Variants in DMRT1 observed in about 807,000 individuals in gnomAD.
DMRT1 encodes the protein doublesex and mab-3 related transcription factor 1.
Under a neutral mutation model 32.3 loss-of-function variants are expected in DMRT1, and 7 were observed. The observed-to-expected ratio is 0.22, with a 90% CI of 0.12 to 0.41. The LOEUF is 0.41. DMRT1 is among the 10% of genes least tolerant of loss of function. The probability of loss-of-function intolerance (pLI) is 1.00; values close to 1 mark genes in which losing one functional copy is unlikely to be tolerated. For synonymous variants in DMRT1, 278 were observed against 206.1 expected (o/e 1.35, Z -2.99); for missense variants, 625 against 500.5 (o/e 1.25, Z -2.37).
At chr9:892,611 T>G (rs1817194928) in intron 2 of DMRT1, among the ~76,000 whole-genome samples, 1 of 152,152 alleles carries the variant, frequency 6.6e-6, no homozygotes, top group Non-Finnish European at 1.5e-5. Context: ...GGTGGTTCCC[T>G]AGCAGGTCTT....
chr9:968,255 G>A lies in DMRT1; in HGVS notation c.*116G>A. ...TATCTTAACTGTTGAGAACGTATTT[G>A]GTTTATATTCCTTAGAGTTTAGTCC... On this transcript the variant is annotated 3_prime_UTR_variant, in exon 5 of 5. Coordinates refer to ENST00000382276, the MANE Select transcript of DMRT1 (RefSeq NM_021951.3). 1 of 1,318,136 alleles carries A rather than the reference G, an allele frequency of 7.6e-7. No homozygotes were observed. The highest frequency in any genetic ancestry group is 2.5e-5 in the East Asian group (1 of 40,014). 81.7% of individuals were successfully genotyped at this position (1,318,136 alleles called of 1,614,324 possible).
intron 3 of DMRT1, among the ~76,000 whole-genome samples, chr9:900,184 G>A (rs1043743769): frequency 4.9e-5 from 4 of 81,978 alleles, no homozygotes; most frequent in Admixed American, 1.3e-4. Flanking sequence ...GAAGGAAACC[G>A]CGTTCTGGCA....
At chr9:884,109 G>C (rs1816835155) in intron 2 of DMRT1, among the ~76,000 whole-genome samples, 1 of 152,066 alleles carries the variant, frequency 6.6e-6, no homozygotes. Context: ...TGTGATGTTT[G>C]GTTTTTTCAT....
At chr9:849,113 C>T (rs940630001) in intron 2 of DMRT1, among the ~76,000 whole-genome samples, 3 of 151,732 alleles carry the variant, frequency 2.0e-5, no homozygotes, top group Admixed American at 6.6e-5. Flanking sequence ...TTATTATCCT[C>T]ATTTACAGAT....
intron 4 of DMRT1, among the ~76,000 whole-genome samples, chr9:962,900 C>T (rs138818710): frequency 3.7e-4 from 56 of 152,218 alleles, no homozygotes; most frequent in African/African-American, 1.2e-3. Context: ...TCTCAGACTC[C>T]CGGGCCAGTG....
chr9:860,716 G>A (rs1321075559), intron 2 of DMRT1, among the ~76,000 whole-genome samples: 1 of 152,166 alleles, frequency 6.6e-6, no homozygotes, highest in Non-Finnish European at 1.5e-5. Flanking sequence ...AAGGGGACAC[G>A]GGCTGTTTTA....
chr9:914,156 T>A (rs1278629519), intron 3 of DMRT1, among the ~76,000 whole-genome samples: 1 of 152,208 alleles, frequency 6.6e-6, no homozygotes, highest in Non-Finnish European at 1.5e-5. Context: ...TTGTCCCTTT[T>A]CTCTTAAATG....
At position 849,900 on chromosome 9, in the gene DMRT1, C is replaced by T. The variant is rs879414080; in HGVS notation, c.538+2757C>T. 3.3e-5 allele frequency among the ~76,000 whole-genome samples: 5 copies of T among 152,040 alleles called. No homozygotes were observed. The South Asian group carries it at 8.3e-4, about 25-fold the overall frequency. On this transcript the variant is annotated intron_variant, in intron 2 of 4. Transcript: ENST00000382276. ...GGGCAGTGGTGCGATTTTGGCTCAC[C>T]GCAACCTCTGCCTCCCAGGTTCAAG... is the stretch of plus-strand genomic sequence containing the variant.
chr9:961,863 C>T (rs1430676917), intron 4 of DMRT1, among the ~76,000 whole-genome samples: 1 of 152,180 alleles, frequency 6.6e-6, no homozygotes, highest in Non-Finnish European at 1.5e-5. Context: ...AAACATTACT[C>T]CAGTCATCTT....
rs112232603 is a variant in DMRT1, at chr9:954,172, A to G, written c.968-13813A>G. On this transcript the variant is annotated intron_variant, in intron 4 of 4. Coordinates refer to ENST00000382276, the MANE Select transcript of DMRT1 (RefSeq NM_021951.3). Reference sequence around the variant, plus strand: ...ATAATAAGCACGGGGAGAAGTGGGCAATCAGATTGCTCTTGAAATGCCAGG... The same window carrying G: ...ATAATAAGCACGGGGAGAAGTGGGCGATCAGATTGCTCTTGAAATGCCAGG... Among the ~76,000 whole-genome samples the G allele has an allele frequency of 7.6e-3, 1,151 of 152,208 alleles. 17 individuals carry two copies. Among genetic ancestry groups the G allele is most frequent in the African/African-American group, 0.026 (1,084 of 41,516 alleles).
intron 2 of DMRT1, among the ~76,000 whole-genome samples, chr9:880,445 G>T (rs1589493476): frequency 6.6e-6 from 1 of 151,714 alleles, no homozygotes; most frequent in Non-Finnish European, 1.5e-5. Context: ...GGGTAGCTTG[G>T]GCTGGGCGTG....
intron 4 of DMRT1, among the ~76,000 whole-genome samples, chr9:918,476 T>A (rs183895686): frequency 1.3e-5 from 2 of 152,260 alleles, no homozygotes; most frequent in East Asian, 3.9e-4. Flanking sequence ...GGCATTTGAA[T>A]TTATGGCAGA....
chr9:902,686 G>A (rs563873747), intron 3 of DMRT1, among the ~76,000 whole-genome samples: 57 of 151,764 alleles, frequency 3.8e-4, no homozygotes, highest in Admixed American at 9.8e-4. Context: ...ACAGGGTTTC[G>A]CCATGTTGGC....
At chr9:901,557 C>A (rs942529943) in intron 3 of DMRT1, among the ~76,000 whole-genome samples, 13 of 149,656 alleles carry the variant, frequency 8.7e-5, no homozygotes, top group African/African-American at 2.5e-4. Flanking sequence ...GAGCTCCTGA[C>A]CTCAGGTGAT....
intron 1 of DMRT1, among the ~76,000 whole-genome samples, chr9:844,715 C>CTTTTTTTTTT (rs1170214043): frequency 1.5e-5 from 2 of 135,698 alleles, no homozygotes; most frequent in African/African-American, 5.6e-5. Context: ...TTCTTTCTTT[C>CTTTTTTTTTT]TTTCTTTTTT....
rs201823684 is a variant in DMRT1 at position 883,643 on chromosome 9, A to AT, written c.539-10267dup. Among the ~76,000 whole-genome samples the AT allele has an allele frequency of 7.2e-3, 1,087 of 151,204 alleles. 9 individuals carry two copies. The highest frequency in any genetic ancestry group is 0.025 in the African/African-American group (1,038 of 41,080). On this transcript the variant is annotated intron_variant, in intron 2 of 4. Transcript: ENST00000382276. ...CTGTCTCTACAAAAAAAAAAAAAAA[A>AT]TTGCCGTGTATGGTGGCGTGCCCCT...
chr9:854,340 A>G (rs1214704755), intron 2 of DMRT1, among the ~76,000 whole-genome samples: 1 of 151,920 alleles, frequency 6.6e-6, no homozygotes, highest in East Asian at 1.9e-4. Context: ...GTTGGAGTGC[A>G]GTGGCGTGAT....
At position 968,191 on chromosome 9, in the gene DMRT1, T is replaced by C; in HGVS notation, c.*52T>C. The C allele has an allele frequency of 6.2e-7, 1 of 1,603,002 alleles. No homozygotes were observed. The highest frequency in any genetic ancestry group is 1.3e-5 in the African/African-American group (1 of 74,804). On this transcript the variant is annotated 3_prime_UTR_variant, in exon 5 of 5. Coordinates refer to ENST00000382276, the MANE Select transcript of DMRT1 (RefSeq NM_021951.3). ...ACTTGGAGTAACAGGCTTATTCCAC[T>C]TTCCATGGGGTTTGTTAATATTTTG...
chr9:869,914 C>T (rs1305820308), intron 2 of DMRT1, among the ~76,000 whole-genome samples: 3 of 152,060 alleles, frequency 2.0e-5, no homozygotes, highest in Non-Finnish European at 4.4e-5. Context: ...GGTGGGCGTC[C>T]TAGTTACAGA....
Sources: allele counts gnomAD v4.1 joint callset (sites outside exome capture counted in the v4.1 genomes callset), GRCh38; gene constraint gnomAD v4.1.1; transcripts MANE v1.5; gene names NCBI Gene and HGNC (gene_info 2026-07-23, HGNC 2026-07-21).